Variants in ITPR1 observed in about 807,000 individuals in gnomAD.
ITPR1 encodes inositol 1,4,5-trisphosphate-gated calcium channel ITPR1.
In ITPR1, 96 loss-of-function variants were observed where a neutral mutation model predicts 318.4. The ratio of observed to expected loss-of-function variants is 0.30; its 90% CI spans 0.26 to 0.36. The LOEUF (loss-of-function observed/expected upper bound fraction) is 0.36. ITPR1 is among the 10% of genes least tolerant of loss of function. ITPR1 has a pLI of 1.00. For synonymous variants in ITPR1, 1,312 were observed against 1,289.9 expected (o/e 1.02, Z -0.37); for missense variants, 2,440 against 3,460.2 (o/e 0.71, Z 7.40).
chr3:4,537,105 T>C (rs188618137), intron 4 of ITPR1, among the ~76,000 whole-genome samples: 1 of 152,340 alleles, frequency 6.6e-6, no homozygotes, highest in East Asian at 1.9e-4. Flanking sequence ...CCTTGGTTTC[T>C]TGTCCTGTCC....
At chr3:4,717,334 C>T (rs2041843296) in intron 39 of ITPR1, 33 bp from the exon 40 acceptor site, 1 of 1,357,644 alleles carries the variant, frequency 7.4e-7, no homozygotes, top group Admixed American at 1.7e-5. Context: ...CCTAACATTT[C>T]CTTCTCTCTC....
intron 54 of ITPR1, among the ~76,000 whole-genome samples, chr3:4,804,477 A>G (rs1187757789): frequency 6.6e-6 from 1 of 152,370 alleles, no homozygotes; most frequent in East Asian, 1.9e-4. Context: ...ACTAACAAGC[A>G]GAGTCCAGCC....
intron 21 of ITPR1, among the ~76,000 whole-genome samples, chr3:4,673,888 G>T (rs571054243): frequency 6.6e-6 from 1 of 152,246 alleles, no homozygotes; most frequent in South Asian, 2.1e-4. Flanking sequence ...GGCCCCGATT[G>T]TATTTTTTAT....
chr3:4,796,196 C>A (rs139361708), intron 53 of ITPR1, among the ~76,000 whole-genome samples: 1 of 152,136 alleles, frequency 6.6e-6, no homozygotes, highest in Non-Finnish European at 1.5e-5. Context: ...CTAAGTTACC[C>A]TTTTGAGGAG....
rs189866662 is a variant in ITPR1 at position 4,624,648 on chromosome 3, C to T, written c.164-3115C>T. 3.5e-5 allele frequency among the ~76,000 whole-genome samples: 4 copies of T among 115,462 alleles called. No homozygotes were observed. In the East Asian group the frequency reaches 1.0e-3, roughly 29 times the overall value. The allele number at this position is 115,462 out of a possible 152,430, so 75.7% of individuals were successfully genotyped here. ...TCGTGCCACTGCACTCCAGCCTGGG[C>T]AACAGAGCCAGGCTCTGTCTCCAAA... is the stretch of plus-strand genomic sequence containing the variant. On this transcript the variant is annotated intron_variant, in intron 4 of 61. Coordinates refer to ENST00000649015, the MANE Select transcript of ITPR1 (RefSeq NM_001378452.1).
At chr3:4,645,039 G>A (rs527368853) in intron 8 of ITPR1, among the ~76,000 whole-genome samples, 2 of 152,090 alleles carry the variant, frequency 1.3e-5, no homozygotes, top group East Asian at 3.9e-4. Context: ...TCCCTTTATG[G>A]CTCATCCCAT....
intron 6 of ITPR1, among the ~76,000 whole-genome samples, chr3:4,640,266 A>T (rs2093307096): frequency 6.6e-6 from 1 of 152,202 alleles, no homozygotes; most frequent in South Asian, 2.1e-4. Flanking sequence ...TCTTGCTATT[A>T]GGTATAGAGC....
intron 4 of ITPR1, among the ~76,000 whole-genome samples, chr3:4,621,441 C>T (rs535492551): frequency 6.6e-6 from 1 of 152,168 alleles, no homozygotes; most frequent in Non-Finnish European, 1.5e-5. Flanking sequence ...GAGAAATCCA[C>T]CCCCATGACC....
chr3:4,642,436 T>A (rs2093358688), intron 7 of ITPR1, among the ~76,000 whole-genome samples, 185 bp downstream of exon 7: 1 of 152,210 alleles, frequency 6.6e-6, no homozygotes, highest in African/African-American at 2.4e-5. Flanking sequence ...GTGACCTAAA[T>A]ACTGTCACTG....
intron 4 of ITPR1, among the ~76,000 whole-genome samples, chr3:4,562,317 T>G (rs528210585): frequency 6.6e-6 from 1 of 152,346 alleles, no homozygotes; most frequent in South Asian, 2.1e-4. Flanking sequence ...AATGTTAAGT[T>G]GCAGCAAGTA....
At chr3:4,559,887 C>T (rs2086503458) in intron 4 of ITPR1, among the ~76,000 whole-genome samples, 1 of 152,104 alleles carries the variant, frequency 6.6e-6, no homozygotes, top group South Asian at 2.1e-4. Context: ...TGTATAGGGC[C>T]TCCCAATTTG....
intron 4 of ITPR1, among the ~76,000 whole-genome samples, chr3:4,606,243 C>A (rs1309663875): frequency 1.3e-5 from 2 of 152,066 alleles, no homozygotes; most frequent in East Asian, 3.8e-4. Flanking sequence ...GTGACGAACC[C>A]TGTGTGGTAG....
At chr3:4,684,368 AT>A in intron 29 of ITPR1, 22 bp downstream of exon 29, 5 of 1,566,926 alleles carry the variant, frequency 3.2e-6, no homozygotes, top group Non-Finnish European at 4.4e-6. Flanking sequence ...CCCCACCACC[AT>A]TTTTCCTTTC....
intron 44 of ITPR1, among the ~76,000 whole-genome samples, chr3:4,748,212 G>C (rs1373885785): frequency 6.6e-6 from 1 of 152,202 alleles, no homozygotes; most frequent in Non-Finnish European, 1.5e-5. Context: ...AAGTCTCTCA[G>C]CTTTCTCCCA....
intron 20 of ITPR1, among the ~76,000 whole-genome samples, chr3:4,671,357 ATG>A (rs1262627778): frequency 6.6e-6 from 1 of 152,084 alleles, no homozygotes; most frequent in Non-Finnish European, 1.5e-5. Context: ...GAGACAGAAG[ATG>A]TGTGTGTTTG....
At chr3:4,508,651 A>G (rs1463093360) in intron 2 of ITPR1, among the ~76,000 whole-genome samples, 1 of 152,052 alleles carries the variant, frequency 6.6e-6, no homozygotes, top group African/African-American at 2.4e-5. Context: ...TTAAATGAAC[A>G]TATTTCTTTT....
chr3:4,546,041 G>A (rs935685923), intron 4 of ITPR1, among the ~76,000 whole-genome samples: 11 of 151,990 alleles, frequency 7.2e-5, no homozygotes, highest in African/African-American at 2.2e-4. Flanking sequence ...TGAGTAAAAC[G>A]GTCACAACAA....
chr3:4,562,378 A>G (rs2086771213), intron 4 of ITPR1, among the ~76,000 whole-genome samples: 1 of 152,212 alleles, frequency 6.6e-6, no homozygotes, highest in Admixed American at 6.5e-5. Context: ...AGGTTGGCTT[A>G]TGATAACCAT....
intron 4 of ITPR1, among the ~76,000 whole-genome samples, chr3:4,614,212 G>A (rs1336089695): frequency 6.6e-6 from 1 of 152,180 alleles, no homozygotes; most frequent in Non-Finnish European, 1.5e-5. Flanking sequence ...GCTGAAGTGA[G>A]CCTTGATCAC....
Sources: gnomAD v4.1 joint callset for allele counts (sites outside exome capture counted in the v4.1 genomes callset) on GRCh38, gnomAD v4.1.1 for gene constraint, MANE v1.5 for transcripts, NCBI Gene and HGNC (gene_info 2026-07-23, HGNC 2026-07-21) for gene names.